The following SDE2 variants were observed in gnomAD, a reference collection of about 807,000 sequenced individuals.
The protein encoded by SDE2 is splicing regulator SDE2.
Under a neutral mutation model 46.9 loss-of-function variants are expected in SDE2, and 31 were observed. The observed-to-expected ratio is 0.66, with a 90% CI of 0.50 to 0.89. SDE2 has a LOEUF of 0.89. SDE2 is among the 40% of genes least tolerant of loss of function. The pLI, the probability that SDE2 is intolerant of heterozygous loss-of-function variation, is 0.00. For synonymous variants in SDE2, 205 were observed against 204.3 expected, an observed-to-expected ratio of 1.00 and a Z score of -0.03; for missense variants, 542 against 564.4, an observed-to-expected ratio of 0.96 and a Z score of 0.40.
chr1:225,987,052 T>C (rs1462223566), intron 6 of SDE2, among the ~76,000 whole-genome samples: 1 of 152,196 alleles, frequency 6.6e-6, no homozygotes, highest in Non-Finnish European at 1.5e-5. Flanking sequence ...CTTTTTATTA[T>C]TATTTTTTGA....
chr1:225,989,115 G>A (rs1378356553), intron 5 of SDE2, among the ~76,000 whole-genome samples: 1 of 151,160 alleles, frequency 6.6e-6, no homozygotes, highest in South Asian at 2.1e-4. Context: ...TGGCCAATAT[G>A]GTGAAATCCC....
At chr1:225,992,817 G>C in intron 3 of SDE2, 74 bp downstream of exon 3, 2 of 804,190 alleles carry the variant, frequency 2.5e-6, no homozygotes. Flanking sequence ...AATATGCGTG[G>C]CATATGTATA....
chr1:225,998,155 CTG>C (rs1656574888), intron 1 of SDE2, among the ~76,000 whole-genome samples: 1 of 152,122 alleles, frequency 6.6e-6, no homozygotes, highest in Non-Finnish European at 1.5e-5. Context: ...GAAAAGAACA[CTG>C]TACTCATGAA....
chr1:225,992,560 C>T lies in SDE2; in HGVS notation c.358G>A (p.Glu120Lys), dbSNP rs753343589. 1 of 1,604,426 alleles carries T rather than the reference C, an allele frequency of 6.2e-7. No homozygotes were observed. The highest frequency in any genetic ancestry group is 1.7e-5 in the Admixed American group (1 of 59,980). The change falls in exon 4 of 7, where the codon GAA becomes AAA. Residue 120 changes from glutamate to lysine, a missense_variant. Glu to Lys is a moderately conservative substitution (Grantham distance 56). Coordinates refer to ENST00000272091, the MANE Select transcript of SDE2 (RefSeq NM_152608.4). The part of the protein sequence containing the change: ...RDVNHEKAMA[E>K]WVKQQAEREA... ...CGCTCGGCTTGTTGTTTTACCCATT[C>T]AGCCATTCTGGGGATGAGGGAGGAA... is the stretch of plus-strand genomic sequence containing the variant.
At chr1:225,991,610 C>T (rs988228921) in intron 4 of SDE2, among the ~76,000 whole-genome samples, 1 of 152,116 alleles carries the variant, frequency 6.6e-6, no homozygotes, top group South Asian at 2.1e-4. Context: ...AGTTCATACC[C>T]AGCCCTCCCC....
rs754709441 is a variant in SDE2, at chr1:225,999,235, C to G, written c.78G>C (p.Arg26=). The change falls in exon 1 of 7, where the codon CGG becomes CGC. Residue 26 remains arginine, a synonymous_variant. Transcript: ENST00000272091. ...GCKAVRCASG[R]CTVRDFIHRH... is the part of the protein sequence containing the mutation. ...GGTGGATAAAATCCCGGACGGTGCA[C>G]CGACCCGAGGCACACCGCACCGCCT... 1 of 1,613,330 alleles carries G rather than the reference C, an allele frequency of 6.2e-7. No individual in the cohort carries two copies. Among genetic ancestry groups the G allele is most frequent in the Admixed American group, 1.7e-5 (1 of 59,946 alleles).
chr1:225,987,402 T>C (rs537681500), intron 6 of SDE2, among the ~76,000 whole-genome samples: 45 of 152,242 alleles, frequency 3.0e-4, no homozygotes, highest in African/African-American at 1.1e-3. Context: ...GATTTAATGA[T>C]AAATTTAAAA....
intron 3 of SDE2, 140 bp from the exon 4 acceptor site, chr1:225,992,707 C>T (rs1408056536): frequency 1.5e-6 from 1 of 674,242 alleles, no homozygotes; most frequent in African/African-American, 1.8e-5. Flanking sequence ...TTACTACTAG[C>T]ATATGGTACT....
intron 6 of SDE2, 151 bp from the exon 7 acceptor site, chr1:225,985,674 CA>C: frequency 1.6e-6 from 1 of 616,798 alleles, no homozygotes; most frequent in Non-Finnish European, 2.9e-6. Context: ...CATGTTATTC[CA>C]TAAGTATTCT....
In SDE2 at chr1:225,982,960, G is replaced by T. The variant is rs1314633322; in HGVS notation, c.*2342C>A. The T allele has an allele frequency of 6.6e-6, 1 of 151,882 alleles. No individual in the cohort carries two copies. The highest frequency in any genetic ancestry group is 2.4e-5 in the African/African-American group (1 of 41,356). The allele number at this position is 151,882 out of a possible 1,614,324, so 9.4% of individuals were successfully genotyped here. A position where few individuals can be genotyped will look rare whatever the true frequency, so the allele number is the denominator to read the frequency against. On this transcript the variant is annotated 3_prime_UTR_variant, in exon 7 of 7. Transcript: ENST00000272091. ...TTAAGAATGTATATTGTAATCACTA[G>T]AACATCCAACTTAAAAAAATTATTA...
At chr1:225,987,245 G>T (rs1235515882) in intron 6 of SDE2, among the ~76,000 whole-genome samples, 1 of 152,010 alleles carries the variant, frequency 6.6e-6, no homozygotes, top group Non-Finnish European at 1.5e-5. Context: ...TAGAGACAGG[G>T]TTTCACCATG....
intron 2 of SDE2, among the ~76,000 whole-genome samples, 191 bp from the exon 3 acceptor site, chr1:225,993,193 C>T (rs1175733781): frequency 6.6e-6 from 1 of 151,316 alleles, no homozygotes; most frequent in African/African-American, 2.4e-5. Flanking sequence ...GATTTAACCT[C>T]ATGCCTTTCA....
rs200329712 is a variant in SDE2 at position 225,992,485 on chromosome 1, C to T, written c.433G>A (p.Val145Ile). The T allele has an allele frequency of 4.9e-4, 787 of 1,613,396 alleles. 2 individuals carry two copies. In the African/African-American group the frequency reaches 9.2e-3, roughly 19 times the overall value. The change falls in exon 4 of 7, where the codon GTA becomes ATA. Residue 145 changes from valine to isoleucine, a missense_variant. By Grantham distance (29) the Val-to-Ile change is conservative (BLOSUM62 3). Transcript: ENST00000272091. ...KRLERLQRKLVEPKHCFTSPD... is the reference protein window; with the variant it reads ...KRLERLQRKLIEPKHCFTSPD... ...CTGGTGAAGCAGTGCTTGGGTTCTA[C>T]AAGCTTCCGCTGCAGTCGCTCCAGC...
rs1558082629 is a variant in SDE2 at position 225,985,192 on chromosome 1, T to C, written c.*110A>G. The C allele has an allele frequency of 1.3e-6, 1 of 766,606 alleles. No individual in the cohort carries two copies. The highest frequency in any genetic ancestry group is 2.2e-6 in the Non-Finnish European group (1 of 455,532). The allele number at this position is 766,606 out of a possible 1,614,324, so 47.5% of individuals were successfully genotyped here. On this transcript the variant is annotated 3_prime_UTR_variant, in exon 7 of 7. Transcript: ENST00000272091. The stretch of plus-strand genomic sequence containing the variant: ...AAAAAGGGGATAGTTAGAATTGGGT[T>C]ACTAAAAAGTTAGCTTTTAATATCA...
rs1656188228 is a variant in SDE2 at position 225,982,989 on chromosome 1, C to G, written c.*2313G>C. On this transcript the variant is annotated 3_prime_UTR_variant, in exon 7 of 7. Transcript: ENST00000272091. Reference sequence around the variant, plus strand: ...ATCCAACTTAAAAAAATTATTAAAACAGTATAGCTAAAGAGCCAATAAATT... The same window carrying G: ...ATCCAACTTAAAAAAATTATTAAAAGAGTATAGCTAAAGAGCCAATAAATT... The G allele has an allele frequency of 6.6e-6, 1 of 151,970 alleles. No homozygotes were observed. The allele number at this position is 151,970 out of a possible 1,614,324, so 9.4% of individuals were successfully genotyped here.
At chr1:225,986,364 C>T (rs1421412049) in intron 6 of SDE2, among the ~76,000 whole-genome samples, 3 of 150,932 alleles carry the variant, frequency 2.0e-5, no homozygotes, top group Non-Finnish European at 1.5e-5. Flanking sequence ...AAATTAAATA[C>T]TGCTAATGAT....
Position 225,988,026 on chromosome 1 carries a change from G to A in SDE2, c.1004C>T (p.Thr335Ile), listed in dbSNP as rs765075570. 2 of 1,614,018 alleles carry A rather than the reference G, an allele frequency of 1.2e-6. No homozygotes were observed. The highest frequency in any genetic ancestry group is 1.7e-6 in the Non-Finnish European group (2 of 1,180,006). Residue 335 changes from threonine (T) to isoleucine (I), a missense_variant, in exon 6 of 7, where the codon ACT becomes ATT. By Grantham distance (89) the Thr-to-Ile change is moderately conservative. Around this residue, in one of 3 missense-constraint regions of SDE2, gnomAD observed 401 missense variants for 437.8 expected, o/e 0.92. Coordinates refer to ENST00000272091, the MANE Select transcript of SDE2 (RefSeq NM_152608.4). ...TTTATCCTTATTCAGTCCAGCCCCA[G>A]TGGGCTCCTCTTCTATGGGTTCTTT... Reference protein sequence around the residue: ...ESKEPIEEEPTGAGLNKDKET... With the variant: ...ESKEPIEEEPIGAGLNKDKET...
Position 225,995,283 on chromosome 1 carries a change from A to C in SDE2, c.221T>G (p.Leu74Arg). ...GGTCCTACCTCCTTTTCCACCGCAAAGTCTGGGTTCCAAACTATAAACAGC... is the reference window on the plus strand; with the variant it reads ...GGTCCTACCTCCTTTTCCACCGCAACGTCTGGGTTCCAAACTATAAACAGC... Reference protein sequence around the residue: ...HGAVYSLEPRLCGGKGGFGSM... With the variant: ...HGAVYSLEPRRCGGKGGFGSM... The change falls in exon 2 of 7, where the codon CTT becomes CGT. Residue 74 changes from leucine to arginine, a missense_variant. Physicochemically the swap from Leu to Arg is moderately radical, Grantham distance 102 (BLOSUM62 -2). Around this residue, in one of 3 missense-constraint regions of SDE2, gnomAD observed 135 missense variants for 106.5 expected, o/e 1.27. Coordinates refer to ENST00000272091, the MANE Select transcript of SDE2 (RefSeq NM_152608.4). 6.2e-7 allele frequency: 1 copy of C among 1,601,004 alleles called. No individual in the cohort carries two copies. The highest frequency in any genetic ancestry group is 1.1e-5 in the South Asian group (1 of 90,484).
At chr1:225,985,586 A>G in intron 6 of SDE2, 63 bp from the exon 7 acceptor site, 1 of 995,914 alleles carries the variant, frequency 1.0e-6, no homozygotes, top group Non-Finnish European at 1.6e-6. Context: ...AGACTCTTTA[A>G]CTGTCAACTA....
Sources: allele counts gnomAD v4.1 joint callset (sites outside exome capture counted in the v4.1 genomes callset), GRCh38; gene constraint gnomAD v4.1.1; regional missense constraint gnomAD v4.1.1; transcripts MANE v1.5; gene names NCBI Gene and HGNC (gene_info 2026-07-23, HGNC 2026-07-21).